KCNMA1: variants seen among roughly 807,000 people sequenced by gnomAD.
The protein encoded by KCNMA1 is Calcium-activated potassium channel subunit alpha-1.
KCNMA1 carries 29 observed loss-of-function variants against 140.0 expected under a neutral mutation model. That is an observed-to-expected ratio of 0.21 (90% confidence interval 0.15 to 0.28). The LOEUF (loss-of-function observed/expected upper bound fraction) is 0.28, where lower values mean the gene tolerates loss of function less well. KCNMA1 is among the 10% of genes least tolerant of loss of function. The probability of loss-of-function intolerance (pLI) is 1.00; values close to 1 mark genes in which losing one functional copy is unlikely to be tolerated. For synonymous variants in KCNMA1, 612 were observed against 611.9 expected (o/e 1.00, Z 0.00); for missense variants, 880 against 1,602.2 (o/e 0.55, Z 7.70).
At chr10:77,412,047 G>C (rs2096631338) in intron 1 of KCNMA1, among the ~76,000 whole-genome samples, 1 of 152,206 alleles carries the variant, frequency 6.6e-6, no homozygotes, top group African/African-American at 2.4e-5. Context: ...GGGAGGTAGG[G>C]TTCTGACAGG....
intron 1 of KCNMA1, among the ~76,000 whole-genome samples, chr10:77,606,353 C>A (rs993135636): frequency 6.6e-6 from 1 of 152,190 alleles, no homozygotes; most frequent in African/African-American, 2.4e-5. Context: ...CATCTTTGGC[C>A]AGGCACAGTG....
intron 2 of KCNMA1, among the ~76,000 whole-genome samples, chr10:77,367,610 G>A (rs548840214): frequency 1.5e-4 from 23 of 152,174 alleles, no homozygotes; most frequent in Admixed American, 1.2e-3. Context: ...AAAGTTCTAC[G>A]AATGTTAGTA....
At chr10:77,059,704 C>G (rs1052364168) in intron 14 of KCNMA1, among the ~76,000 whole-genome samples, 1 of 152,042 alleles carries the variant, frequency 6.6e-6, no homozygotes, top group Non-Finnish European at 1.5e-5. Context: ...GGAAGGAACT[C>G]CCTCAACCTC....
At chr10:77,428,732 G>A (rs1179585620) in intron 1 of KCNMA1, among the ~76,000 whole-genome samples, 1 of 151,864 alleles carries the variant, frequency 6.6e-6, no homozygotes, top group Non-Finnish European at 1.5e-5. Flanking sequence ...GAAGAAAGAG[G>A]GATGAAGAGA....
intron 1 of KCNMA1, among the ~76,000 whole-genome samples, chr10:77,482,032 G>A (rs952015842): frequency 1.2e-4 from 18 of 152,208 alleles, no homozygotes; most frequent in East Asian, 3.9e-4. Context: ...TTCAGCTAAC[G>A]TGCCAAGCAG....
chr10:76,925,721 C>G (rs943467220), intron 23 of KCNMA1, among the ~76,000 whole-genome samples: 6 of 152,082 alleles, frequency 3.9e-5, no homozygotes, highest in Admixed American at 3.9e-4. Context: ...ATTTAAAATA[C>G]CAAATGCCAA....
intron 2 of KCNMA1, among the ~76,000 whole-genome samples, chr10:77,342,609 T>C (rs1319401508): frequency 1.3e-5 from 2 of 152,236 alleles, no homozygotes; most frequent in African/African-American, 4.8e-5. Flanking sequence ...CACCAAGGAC[T>C]GGCCACCACA....
chr10:77,451,337 C>T (rs942650514), intron 1 of KCNMA1, among the ~76,000 whole-genome samples: 1 of 152,158 alleles, frequency 6.6e-6, no homozygotes, highest in Non-Finnish European at 1.5e-5. Context: ...GAACCCTGTG[C>T]CCCTGAAGTT....
intron 13 of KCNMA1, among the ~76,000 whole-genome samples, chr10:77,075,125 C>T (rs972681472): frequency 6.6e-6 from 1 of 152,166 alleles, no homozygotes; most frequent in African/African-American, 2.4e-5. Context: ...CTGATGAGAG[C>T]ATGGTTAAAT....
chr10:77,056,222 A>G (rs1406600863), intron 14 of KCNMA1, among the ~76,000 whole-genome samples: 1 of 152,152 alleles, frequency 6.6e-6, no homozygotes, highest in Non-Finnish European at 1.5e-5. Flanking sequence ...TCTACTAAAA[A>G]TACAAAAATT....
intron 5 of KCNMA1, among the ~76,000 whole-genome samples, chr10:77,135,424 A>G (rs1304501978): frequency 1.3e-5 from 2 of 152,160 alleles, no homozygotes; most frequent in African/African-American, 4.8e-5. Flanking sequence ...TCCATTATGG[A>G]AAAAGGTAAA....
chr10:77,625,901 A>G (rs1484014121), intron 1 of KCNMA1, among the ~76,000 whole-genome samples: 1 of 152,214 alleles, frequency 6.6e-6, no homozygotes, highest in Non-Finnish European at 1.5e-5. Flanking sequence ...TAATTGAATG[A>G]TTAATTTGTT....
At position 77,028,116 on chromosome 10, in the gene KCNMA1, T is replaced by C. The variant is rs56176748; in HGVS notation, c.1860-225A>G. 0.061 allele frequency among the ~76,000 whole-genome samples: 9,278 copies of C among 152,172 alleles called. 391 individuals carry two copies. The highest frequency in any genetic ancestry group is 0.093 in the Non-Finnish European group (6,329 of 67,986). On this transcript the variant is annotated intron_variant, in intron 15 of 27. Coordinates refer to ENST00000286628, the MANE Select transcript of KCNMA1 (RefSeq NM_001161352.2). ...AGGTGCTGGATGCTCAAAGTGCAAA[T>C]TGCACTCAGGTCTGGCTGTCTAGAC... is the stretch of plus-strand genomic sequence containing the variant.
intron 20 of KCNMA1, among the ~76,000 whole-genome samples, chr10:76,967,504 C>T (rs987635434): frequency 1.3e-5 from 2 of 152,028 alleles, no homozygotes; most frequent in African/African-American, 4.8e-5. Context: ...AAACAAAGGG[C>T]CCTGAGGTCT....
At chr10:77,033,469 C>T (rs1252004976) in intron 15 of KCNMA1, among the ~76,000 whole-genome samples, 3 of 151,950 alleles carry the variant, frequency 2.0e-5, no homozygotes, top group Non-Finnish European at 4.4e-5. Flanking sequence ...CAAACACACT[C>T]ACACACACAC....
At chr10:77,055,466 C>G (rs2095510972) in intron 14 of KCNMA1, among the ~76,000 whole-genome samples, 1 of 149,288 alleles carries the variant, frequency 6.7e-6, no homozygotes, top group Admixed American at 6.7e-5. Context: ...CTCCCTCCCT[C>G]CATCCATTCC....
intron 1 of KCNMA1, among the ~76,000 whole-genome samples, chr10:77,516,171 T>G (rs995182198): frequency 6.6e-6 from 1 of 152,034 alleles, no homozygotes; most frequent in African/African-American, 2.4e-5. Flanking sequence ...ATCCCCATCA[T>G]GTAGAGTACC....
chr10:77,246,273 C>G (rs1300586349), intron 3 of KCNMA1, among the ~76,000 whole-genome samples: 2 of 152,214 alleles, frequency 1.3e-5, no homozygotes, highest in African/African-American at 4.8e-5. Flanking sequence ...TTGGGCTATG[C>G]CTGCAGCTTC....
intron 2 of KCNMA1, among the ~76,000 whole-genome samples, chr10:77,358,785 G>C (rs1343091638): frequency 6.6e-6 from 1 of 152,180 alleles, no homozygotes; most frequent in African/African-American, 2.4e-5. Context: ...CCTAAAAGAG[G>C]AAATGTTCTG....
Sources: gnomAD v4.1 joint callset for allele counts (sites outside exome capture counted in the v4.1 genomes callset) on GRCh38, gnomAD v4.1.1 for gene constraint, MANE v1.5 for transcripts, NCBI Gene and HGNC (gene_info 2026-07-23, HGNC 2026-07-21) for gene names.